Variants in NSD2 observed in about 807,000 individuals in gnomAD.
NSD2 encodes the protein nuclear receptor binding SET domain protein 2, also known as histone-lysine N-methyltransferase NSD2.
NSD2 carries 12 observed loss-of-function variants against 139.0 expected under a neutral mutation model. The ratio of observed to expected loss-of-function variants is 0.09; its 90% CI spans 0.06 to 0.14. The LOEUF (loss-of-function observed/expected upper bound fraction) is 0.14, where lower values mean the gene tolerates loss of function less well. NSD2 is among the 10% of genes least tolerant of loss of function. The probability of loss-of-function intolerance (pLI) is 1.00; values close to 1 mark genes in which losing one functional copy is unlikely to be tolerated. For synonymous variants in NSD2, 669 were observed against 648.7 expected, an observed-to-expected ratio of 1.03 and a Z score of -0.48; for missense variants, 1,155 against 1,745.0, an observed-to-expected ratio of 0.66 and a Z score of 6.02.
rs190853731 is a variant in NSD2, at chr4:1,941,912, A to G, written c.1881+2134A>G. Reference sequence around the variant, plus strand: ...AGCATATGAGGCAAAGTGTAGTGTTATAAAAAACAGCCTGTTGACTGCTGG... The same window carrying G: ...AGCATATGAGGCAAAGTGTAGTGTTGTAAAAAACAGCCTGTTGACTGCTGG... On this transcript the variant is annotated intron_variant, in intron 9 of 21. Transcript: ENST00000508803. 459 of 1,071,936 alleles carry G rather than the reference A, an allele frequency of 4.3e-4. 1 individual carries two copies. The African/African-American group carries it at 7.2e-3, about 17-fold the overall frequency. The allele number at this position is 1,071,936 out of a possible 1,614,324, so 66.4% of individuals were successfully genotyped here.
At chr4:1,940,554 C>T (rs1176506498) in intron 9 of NSD2, 13 of 1,064,176 alleles carry the variant, frequency 1.2e-5, no homozygotes, top group Non-Finnish European at 1.4e-5. Context: ...TAGGGATTAC[C>T]TTCATAGAGC....
At chr4:1,938,362 TTTG>T (rs1722650447) in intron 7 of NSD2, 86 bp from the exon 8 acceptor site, 6 of 1,179,678 alleles carry the variant, frequency 5.1e-6, no homozygotes, top group East Asian at 2.8e-5. Context: ...TTCTTTTCCT[TTTG>T]TTGTTCTTTT....
rs964566769 is a variant in NSD2 at position 1,944,306 on chromosome 4, G to A, written c.1881+4528G>A. 5 of 1,066,270 alleles carry A rather than the reference G, an allele frequency of 4.7e-6. No individual in the cohort carries two copies. In the East Asian group the frequency reaches 2.0e-4, roughly 42 times the overall value. 66.1% of individuals were successfully genotyped at this position (1,066,270 alleles called of 1,614,324 possible). On this transcript the variant is annotated intron_variant, in intron 9 of 21. Transcript: ENST00000508803. ...AACGGCTCTTGTTTGAAAGAACTTA[G>A]GGAGGACCATTGGCTTGCCAAGAGT...
intron 4 of NSD2, among the ~76,000 whole-genome samples, 185 bp downstream of exon 4, chr4:1,917,222 A>G (rs1217042483): frequency 2.0e-5 from 3 of 152,184 alleles, no homozygotes; most frequent in East Asian, 1.9e-4. Flanking sequence ...TAGAGACACA[A>G]CTGATTTTTT....
chr4:1,930,012 G>A (rs1315432881), intron 5 of NSD2, among the ~76,000 whole-genome samples: 2 of 152,180 alleles, frequency 1.3e-5, no homozygotes, highest in Non-Finnish European at 2.9e-5. Context: ...GTTGGGGTGG[G>A]GCCCGGGAGT....
intron 5 of NSD2, among the ~76,000 whole-genome samples, chr4:1,923,580 A>C (rs187780780): frequency 1.2e-4 from 18 of 152,326 alleles, no homozygotes; most frequent in Admixed American, 3.9e-4. Context: ...AGGGATTGAG[A>C]AGATGAGCAA....
chr4:1,947,223 G>A (rs547772777), intron 9 of NSD2: 576 of 1,064,322 alleles, frequency 5.4e-4, no homozygotes, highest in Non-Finnish European at 6.2e-4. Context: ...GACAAAGTTG[G>A]GTTGATAGGA....
At chr4:1,887,169 T>G (rs1232421358) in intron 1 of NSD2, among the ~76,000 whole-genome samples, 1 of 152,158 alleles carries the variant, frequency 6.6e-6, no homozygotes, top group African/African-American at 2.4e-5. Flanking sequence ...AGTAGGGACT[T>G]TTGGCCATGG....
chr4:1,940,079 G>A (rs1249686903), intron 9 of NSD2: 12 of 1,255,116 alleles, frequency 9.6e-6, no homozygotes, highest in African/African-American at 1.5e-5. Flanking sequence ...GTTGTGTTCT[G>A]TGTAGCCCTC....
At chr4:1,950,477 AG>A (rs770943961) in intron 9 of NSD2, among the ~76,000 whole-genome samples, 21 of 152,304 alleles carry the variant, frequency 1.4e-4, no homozygotes, top group Non-Finnish European at 3.1e-4. Flanking sequence ...AGGCAATGGG[AG>A]GAAGAAGAGA....
At chr4:1,936,376 C>T (rs1450814807) in intron 7 of NSD2, among the ~76,000 whole-genome samples, 5 of 151,976 alleles carry the variant, frequency 3.3e-5, no homozygotes, top group African/African-American at 1.2e-4. Context: ...CTATTTTATT[C>T]GATAATAGTT....
chr4:1,939,576 T>C, intron 8 of NSD2, 78 bp from the exon 9 acceptor site: 1 of 1,400,320 alleles, frequency 7.1e-7, no homozygotes, highest in Non-Finnish European at 1.0e-6. Flanking sequence ...ACTTCACTTA[T>C]TTGAGGGGTA....
intron 3 of NSD2, among the ~76,000 whole-genome samples, chr4:1,907,932 G>GCAACA (rs1718153515): frequency 6.6e-6 from 1 of 152,080 alleles, no homozygotes; most frequent in Non-Finnish European, 1.5e-5. Context: ...CATGATGGCT[G>GCAACA]GTAGCTTTCG....
intron 1 of NSD2, among the ~76,000 whole-genome samples, chr4:1,875,154 C>A (rs1353677500): frequency 6.6e-6 from 1 of 151,542 alleles, no homozygotes; most frequent in African/African-American, 2.4e-5. Context: ...TGGAGTCAGT[C>A]TTGCAGTGTT....
intron 1 of NSD2, among the ~76,000 whole-genome samples, chr4:1,883,728 A>G (rs1257472397): frequency 6.6e-6 from 1 of 151,982 alleles, no homozygotes; most frequent in Non-Finnish European, 1.5e-5. Flanking sequence ...AAGCCCCATG[A>G]AAGCAGGGCT....
rs758754683 is a variant in NSD2 at position 1,959,508 on chromosome 4, C to G, written c.3023C>G (p.Ala1008Gly). The G allele has an allele frequency of 1.9e-6, 3 of 1,614,186 alleles. No individual in the cohort carries two copies. Reference protein sequence around the residue: ...KPYGKVQIYTADISEIPKCNC... With the variant: ...KPYGKVQIYTGDISEIPKCNC... ...TACGGGAAAGTCCAGATCTACACAGCGGATATTTCAGAAATCCCTAAGTGC... is the reference window on the plus strand; with the variant it reads ...TACGGGAAAGTCCAGATCTACACAGGGGATATTTCAGAAATCCCTAAGTGC... The change falls in exon 17 of 22, where the codon GCG becomes GGG. Residue 1008 changes from alanine to glycine, a missense_variant. Around this residue, in one of 8 missense-constraint regions of NSD2, gnomAD observed 139 missense variants for 485.8 expected, o/e 0.29. Coordinates refer to ENST00000508803, the MANE Select transcript of NSD2 (RefSeq NM_001042424.3).
chr4:1,881,594 G>GCCATGT, intron 1 of NSD2, among the ~76,000 whole-genome samples: 1 of 152,210 alleles, frequency 6.6e-6, no homozygotes, highest in South Asian at 2.1e-4. Flanking sequence ...ACAGGGTTTT[G>GCCATGT]CCATGTTGCC....
At chr4:1,921,030 C>T (rs1352363590) in intron 5 of NSD2, among the ~76,000 whole-genome samples, 5 of 151,968 alleles carry the variant, frequency 3.3e-5, no homozygotes, top group Admixed American at 3.3e-4. Context: ...AGAGTGAGAC[C>T]CTGTCTTAAA....
chr4:1,951,541 AGGTGAGGTGCTAGGCCT>A (rs1302321733), intron 10 of NSD2, among the ~76,000 whole-genome samples: 4 of 146,616 alleles, frequency 2.7e-5, no homozygotes. Flanking sequence ...CTGTTGGAAA[AGGTGAGGTGCTAGGCCT>A]GTTTTAGCTT....
Sources: gnomAD v4.1 joint callset for allele counts (sites outside exome capture counted in the v4.1 genomes callset) on GRCh38, gnomAD v4.1.1 for gene constraint, gnomAD v4.1.1 regional missense constraint, MANE v1.5 for transcripts, NCBI Gene and HGNC (gene_info 2026-07-23, HGNC 2026-07-21) for gene names.